Variants in TMEM240 observed in about 807,000 individuals in gnomAD.
TMEM240 encodes transmembrane protein C1orf70.
A neutral mutation model predicts 19.5 loss-of-function variants in TMEM240; 3 were observed. The observed-to-expected ratio is 0.15, with a 90% CI of 0.07 to 0.40. The LOEUF (loss-of-function observed/expected upper bound fraction) is 0.40, where lower values mean the gene tolerates loss of function less well. Ranked by LOEUF, TMEM240 falls within the 10% of genes least tolerant of loss-of-function variation. The probability of loss-of-function intolerance (pLI) is 1.00; values close to 1 mark genes in which losing one functional copy is unlikely to be tolerated. For synonymous variants in TMEM240, 123 were observed against 109.3 expected (o/e 1.13, Z -0.78); for missense variants, 210 against 253.5 (o/e 0.83, Z 1.17).
Position 1,536,437 on chromosome 1 carries a change from C to T in TMEM240, c.165-640G>A, listed in dbSNP as rs1387836732. Among the ~76,000 whole-genome samples the T allele has an allele frequency of 6.6e-6, 1 of 152,206 alleles. No individual in the cohort carries two copies. The highest frequency in any genetic ancestry group is 1.9e-4 in the East Asian group (1 of 5,198). Reference sequence around the variant, plus strand: ...CATCCTCTCCCCTTCCTGGGGGACGCCCCCTTGCCCTTGCCTGGCACAGAC... The same window carrying T: ...CATCCTCTCCCCTTCCTGGGGGACGTCCCCTTGCCCTTGCCTGGCACAGAC... On this transcript the variant is annotated intron_variant, in intron 2 of 3. Transcript: ENST00000378733. This position sits in a 1 kb window ranked among gnomAD's most constrained non-coding sequence, Gnocchi z 5.4.
intron 2 of TMEM240, among the ~76,000 whole-genome samples, chr1:1,537,220 C>T (rs1309375486): frequency 6.6e-6 from 1 of 152,164 alleles, no homozygotes; most frequent in East Asian, 1.9e-4. Flanking sequence ...GGAGGTCAGT[C>T]CCCTCAGCAT....
rs748635576 is a variant in TMEM240 at position 1,539,773 on chromosome 1, C to T, written c.75G>A (p.Met25Ile). The T allele has an allele frequency of 3.0e-5, 46 of 1,546,850 alleles. No homozygotes were observed. The African/African-American group carries it at 5.2e-4, about 18-fold the overall frequency. The change falls in exon 2 of 4, where the codon ATG (methionine) becomes ATA (isoleucine). Residue 25 changes from methionine (M) to isoleucine (I), a missense_variant. Coordinates refer to ENST00000378733, the MANE Select transcript of TMEM240 (RefSeq NM_001114748.2). The stretch of plus-strand genomic sequence containing the variant: ...ATCGGTCCAGCAGCGCGTTCATGTC[C>T]ATCAAGCACGCGATGGCCTGGAAGA... ...ASVVMAIACL[M>I]DMNALLDRFH...
Position 1,536,731 on chromosome 1 carries a change from T to TGTGGAG in TMEM240, c.165-935_165-934insCTCCAC, listed in dbSNP as rs1642229608. Among the ~76,000 whole-genome samples the TGTGGAG allele has an allele frequency of 6.6e-6, 1 of 151,852 alleles. No homozygotes were observed. The highest frequency in any genetic ancestry group is 2.4e-5 in the African/African-American group (1 of 41,344). On this transcript the variant is annotated intron_variant, in intron 2 of 3. Coordinates refer to ENST00000378733, the MANE Select transcript of TMEM240 (RefSeq NM_001114748.2). This position sits in a 1 kb window ranked among gnomAD's most constrained non-coding sequence, Gnocchi z 5.4. ...GCATCCCAGACAGTCAACTCTGGGA[T>TGTGGAG]CCCTAGTCCAACAGGAGGGCCTGGG...
Position 1,535,918 on chromosome 1 carries a change from A to ACCCT in TMEM240, c.165-122_165-121insAGGG. ...GGCCGCCCTGGGGGTTCTCTGAAGC[A>ACCCT]GCCTCTTGGGCGGGCGGGTCGGGAA... On this transcript the variant is annotated intron_variant, in intron 2 of 3. Coordinates refer to ENST00000378733, the MANE Select transcript of TMEM240 (RefSeq NM_001114748.2). This position sits in a 1 kb window ranked among gnomAD's most constrained non-coding sequence, Gnocchi z 8.2. The ACCCT allele has an allele frequency of 2.4e-6, 1 of 422,576 alleles. No homozygotes were observed. The highest frequency in any genetic ancestry group is 6.9e-5 in the East Asian group (1 of 14,512). The allele number at this position is 422,576 out of a possible 1,614,324, so 26.2% of individuals were successfully genotyped here.
intron 2 of TMEM240, among the ~76,000 whole-genome samples, chr1:1,538,006 G>A (rs146273562): frequency 1.1e-3 from 169 of 152,292 alleles, no homozygotes; most frequent in Non-Finnish European, 1.6e-3. Context: ...GAACACCAGC[G>A]TGTACACACA....
chr1:1,535,432 T>G lies in TMEM240; in HGVS notation c.449A>C (p.Glu150Ala), dbSNP rs951852938. ...CACGTGTACCATGTTCCCGGCGGCC[T>G]CCTCGAAGGGCCTGTGCGGCCGCCG... ...LGRRPHRPFE[E>A]AAGNMVHVKQ... The change falls in exon 4 of 4, where the codon GAG (glutamate) becomes GCG (alanine). Residue 150 changes from glutamate (E) to alanine (A), a missense_variant. Transcript: ENST00000378733. The surrounding 1 kb of genome is among the most constrained non-coding windows in gnomAD (Gnocchi z 8.2). 15 of 1,549,176 alleles carry G rather than the reference T, an allele frequency of 9.7e-6. No individual in the cohort carries two copies. The highest frequency in any genetic ancestry group is 1.3e-5 in the Non-Finnish European group (15 of 1,146,392).
intron 2 of TMEM240, 76 bp downstream of exon 2, chr1:1,539,608 T>A: frequency 7.6e-7 from 1 of 1,322,282 alleles, no homozygotes; most frequent in South Asian, 1.3e-5. Flanking sequence ...GTGGGGCTGG[T>A]TCCCCCGCGC....
intron 2 of TMEM240, among the ~76,000 whole-genome samples, chr1:1,537,773 A>ACC (rs1161082964): frequency 6.6e-6 from 1 of 151,464 alleles, no homozygotes. Context: ...GGAGCGCCAC[A>ACC]CCCCCGCCCT....
rs1369104096 is a variant in TMEM240, at chr1:1,539,808, C to G, written c.58-18G>C. On this transcript the variant is annotated intron_variant, in intron 1 of 3. Transcript: ENST00000378733. ...GCGATGGCCTGGAAGAGCTCATGAC[C>G]GGTCAGCGCCAAGGAGCGGGCGGGA... 12 of 1,486,694 alleles carry G rather than the reference C, an allele frequency of 8.1e-6. No individual in the cohort carries two copies. Among genetic ancestry groups the G allele is most frequent in the African/African-American group, 7.1e-5 (5 of 70,192 alleles). The allele number at this position is 1,486,694 out of a possible 1,614,324, so 92.1% of individuals were successfully genotyped here.
chr1:1,538,364 A>G (rs1179808296), intron 2 of TMEM240, among the ~76,000 whole-genome samples: 1 of 152,204 alleles, frequency 6.6e-6, no homozygotes. Context: ...CGTGCTCTGG[A>G]CACGGCATGA....
At chr1:1,539,839 C>T in intron 1 of TMEM240, 49 bp from the exon 2 acceptor site, 1 of 819,226 alleles carries the variant, frequency 1.2e-6, no homozygotes. Flanking sequence ...CGGGACGAAG[C>T]GGGGCTGGGG....
At position 1,535,899 on chromosome 1, in the gene TMEM240, C is replaced by A. The variant is rs916411065; in HGVS notation, c.165-102G>T. The A allele has an allele frequency of 1.3e-6, 1 of 797,766 alleles. No homozygotes were observed. 49.4% of individuals were successfully genotyped at this position (797,766 alleles called of 1,614,324 possible). On this transcript the variant is annotated intron_variant, in intron 2 of 3. Transcript: ENST00000378733. This position sits in a 1 kb window ranked among gnomAD's most constrained non-coding sequence, Gnocchi z 8.2. Reference sequence around the variant, plus strand: ...TGGGGGTGTGACCGCGTCAGGCCGCCCTGGGGGTTCTCTGAAGCAGCCTCT... The same window carrying A: ...TGGGGGTGTGACCGCGTCAGGCCGCACTGGGGGTTCTCTGAAGCAGCCTCT...
intron 2 of TMEM240, chr1:1,539,236 A>C (rs2100698661): frequency 5.9e-6 from 1 of 168,806 alleles, no homozygotes; most frequent in African/African-American, 2.4e-5. Flanking sequence ...CCCATCCCTC[A>C]GCTCCTCTCC....
chr1:1,537,539 C>T (rs995671409), intron 2 of TMEM240, among the ~76,000 whole-genome samples: 9 of 152,160 alleles, frequency 5.9e-5, no homozygotes, highest in Admixed American at 2.6e-4. Flanking sequence ...CCTCTCCCTG[C>T]ACCTGGCCCT....
At chr1:1,537,728 C>T (rs908095616) in intron 2 of TMEM240, among the ~76,000 whole-genome samples, 1 of 152,202 alleles carries the variant, frequency 6.6e-6, no homozygotes. Context: ...GCCACATGCA[C>T]GGGACATGGC....
At chr1:1,538,658 C>T (rs79418273) in intron 2 of TMEM240, among the ~76,000 whole-genome samples, 4,460 of 152,356 alleles carry the variant, frequency 0.029, 205 homozygotes, top group African/African-American at 0.1. Flanking sequence ...GCCCAGCACA[C>T]GTGAGGGTCA....
chr1:1,536,744 A>ATGT lies in TMEM240; in HGVS notation c.165-948_165-947insACA, dbSNP rs1184982581. Among the ~76,000 whole-genome samples, 1 of 152,106 alleles carries ATGT rather than the reference A, an allele frequency of 6.6e-6. No homozygotes were observed. The highest frequency in any genetic ancestry group is 2.4e-5 in the African/African-American group (1 of 41,430). Reference sequence around the variant, plus strand: ...TCAACTCTGGGATCCCTAGTCCAACAGGAGGGCCTGGGAGTGGAGCCCGCG... The same window carrying ATGT: ...TCAACTCTGGGATCCCTAGTCCAACATGTGGAGGGCCTGGGAGTGGAGCCCGCG... On this transcript the variant is annotated intron_variant, in intron 2 of 3. Transcript: ENST00000378733. This position sits in a 1 kb window ranked among gnomAD's most constrained non-coding sequence, Gnocchi z 5.4.
intron 2 of TMEM240, 149 bp downstream of exon 2, chr1:1,539,535 G>C (rs1557490753): frequency 2.9e-6 from 2 of 682,604 alleles, no homozygotes; most frequent in Non-Finnish European, 5.0e-6. Flanking sequence ...CGCCCACCTT[G>C]AGACAGCTCC....
At chr1:1,538,486 G>A (rs1414323518) in intron 2 of TMEM240, among the ~76,000 whole-genome samples, 1 of 152,258 alleles carries the variant, frequency 6.6e-6, no homozygotes, top group Non-Finnish European at 1.5e-5. Context: ...GTGCGTGGAG[G>A]CCGCACCTTT....
Sources: gnomAD v4.1 joint callset for allele counts (sites outside exome capture counted in the v4.1 genomes callset) on GRCh38, gnomAD v4.1.1 for gene constraint, Gnocchi (gnomAD v3.1) non-coding constraint, MANE v1.5 for transcripts, NCBI Gene and HGNC (gene_info 2026-07-23, HGNC 2026-07-21) for gene names.